Variants in DYM observed in about 807,000 individuals in gnomAD.
The protein encoded by DYM is dyggve-Melchior-Clausen syndrome protein.
Under a neutral mutation model 93.1 loss-of-function variants are expected in DYM, and 78 were observed. That is an observed-to-expected ratio of 0.84 (90% confidence interval 0.70 to 1.01). The LOEUF (loss-of-function observed/expected upper bound fraction) is 1.01, where lower values mean the gene tolerates loss of function less well. Among genes scored for constraint, DYM ranks in the 50% least tolerant of loss-of-function variants. DYM has a pLI of 0.00. For synonymous variants in DYM, 321 were observed against 319.7 expected (o/e 1.00, Z -0.04); for missense variants, 789 against 845.0 (o/e 0.93, Z 0.82).
At chr18:49,195,916 CTTTTTTTTT>C (rs540189318) in intron 14 of DYM, among the ~76,000 whole-genome samples, 1 of 84,024 alleles carries the variant, frequency 1.2e-5, no homozygotes, top group Non-Finnish European at 2.0e-5. Flanking sequence ...ATGCTACCAT[CTTTTTTTTT>C]TTTTTTTTTT....
chr18:49,398,039 GACTT>G (rs1207274272), intron 2 of DYM, among the ~76,000 whole-genome samples: 2 of 152,016 alleles, frequency 1.3e-5, no homozygotes, highest in African/African-American at 4.8e-5. Context: ...ACAAAGCTAA[GACTT>G]ACTAACTATA....
chr18:49,096,214 G>T (rs1052933612), intron 17 of DYM, among the ~76,000 whole-genome samples: 1 of 152,286 alleles, frequency 6.6e-6, no homozygotes, highest in Non-Finnish European at 1.5e-5. Context: ...CCACATGGTG[G>T]TGCCACTTTG....
chr18:49,110,589 T>G (rs935391723), intron 16 of DYM, among the ~76,000 whole-genome samples: 1 of 152,192 alleles, frequency 6.6e-6, no homozygotes, highest in East Asian at 1.9e-4. Context: ...TTTGTTCCTC[T>G]GTATATAATG....
intron 14 of DYM, among the ~76,000 whole-genome samples, chr18:49,204,803 A>C (rs1442886727): frequency 3.9e-5 from 6 of 152,220 alleles, no homozygotes; most frequent in Admixed American, 2.0e-4. Context: ...CAAAATTCTA[A>C]ATTTGATTTC....
rs2070733354 is a variant in DYM, at chr18:49,037,114, C to A, written c.*6941G>T. ...ACGGGGTTTCATCATGTTGGCCAGG[C>A]TGGTCTTGAACTCCTGACCTCAGGT... On this transcript the variant is annotated 3_prime_UTR_variant, in exon 18 of 18. Transcript: ENST00000675505. 6.6e-6 allele frequency among the ~76,000 whole-genome samples: 1 copy of A among 152,112 alleles called. No homozygotes were observed. The highest frequency in any genetic ancestry group is 2.1e-4 in the South Asian group (1 of 4,816).
chr18:49,108,892 T>C (rs1444629557), intron 16 of DYM, among the ~76,000 whole-genome samples: 1 of 152,242 alleles, frequency 6.6e-6, no homozygotes, highest in Non-Finnish European at 1.5e-5. Context: ...CGAAGCTCTG[T>C]TGTATACACA....
At chr18:49,280,594 A>G (rs2094945823) in intron 10 of DYM, among the ~76,000 whole-genome samples, 1 of 152,204 alleles carries the variant, frequency 6.6e-6, no homozygotes. Context: ...CTATAAGGAC[A>G]GGGAGGGATG....
At chr18:49,233,744 C>T (rs2093777946) in intron 13 of DYM, among the ~76,000 whole-genome samples, 1 of 152,182 alleles carries the variant, frequency 6.6e-6, no homozygotes, top group South Asian at 2.1e-4. Context: ...CTATATTTCT[C>T]AGCTTCCACT....
intron 13 of DYM, among the ~76,000 whole-genome samples, chr18:49,226,159 A>G (rs1457403555): frequency 6.6e-6 from 1 of 152,160 alleles, no homozygotes; most frequent in African/African-American, 2.4e-5. Flanking sequence ...TGTAAACAGT[A>G]AGTCATATGC....
chr18:49,193,672 T>A (rs541862854), intron 14 of DYM, among the ~76,000 whole-genome samples: 49 of 152,324 alleles, frequency 3.2e-4, no homozygotes, highest in Admixed American at 5.9e-4. Context: ...GATACATTTA[T>A]CTCACTTTAT....
chr18:49,410,284 C>T (rs1337231525), intron 2 of DYM, among the ~76,000 whole-genome samples: 1 of 151,962 alleles, frequency 6.6e-6, no homozygotes, highest in Non-Finnish European at 1.5e-5. Flanking sequence ...TAGTCTAGAA[C>T]TCCTGGCCTC....
rs987526657 is a variant in DYM at position 49,043,937 on chromosome 18, A to G, written c.*118T>C. The stretch of plus-strand genomic sequence containing the variant: ...GTGTGTGAGGAAAACACACTCGTGC[A>G]ATCCTCTTTAACAGAAGATACACCA... On this transcript the variant is annotated 3_prime_UTR_variant, in exon 18 of 18. Coordinates refer to ENST00000675505, the MANE Select transcript of DYM (RefSeq NM_001353214.3). 2 of 1,230,650 alleles carry G rather than the reference A, an allele frequency of 1.6e-6. No individual in the cohort carries two copies. The highest frequency in any genetic ancestry group is 2.3e-6 in the Non-Finnish European group (2 of 864,088). The allele number at this position is 1,230,650 out of a possible 1,614,324, so 76.2% of individuals were successfully genotyped here.
At chr18:49,285,728 G>A (rs1480428447) in intron 9 of DYM, among the ~76,000 whole-genome samples, 1 of 152,232 alleles carries the variant, frequency 6.6e-6, no homozygotes, top group African/African-American at 2.4e-5. Context: ...CCCTGCTGTT[G>A]AGCAGCACTT....
intron 17 of DYM, among the ~76,000 whole-genome samples, chr18:49,062,582 G>C (rs928376270): frequency 1.3e-5 from 2 of 152,174 alleles, no homozygotes; most frequent in African/African-American, 4.8e-5. Context: ...CAGGTGCTTT[G>C]CACCAACGGC....
chr18:49,389,910 T>C (rs2069031568), intron 3 of DYM, among the ~76,000 whole-genome samples: 1 of 152,188 alleles, frequency 6.6e-6, no homozygotes, highest in South Asian at 2.1e-4. Flanking sequence ...TTTAATTTTA[T>C]AATTTTTTTA....
chr18:49,222,607 C>G (rs898621058), intron 13 of DYM, among the ~76,000 whole-genome samples: 1 of 151,952 alleles, frequency 6.6e-6, no homozygotes, highest in Non-Finnish European at 1.5e-5. Flanking sequence ...CAAAAACATA[C>G]AATCTATATG....
At chr18:49,113,222 A>G (rs1464126099) in intron 16 of DYM, among the ~76,000 whole-genome samples, 4 of 152,230 alleles carry the variant, frequency 2.6e-5, no homozygotes, top group Non-Finnish European at 5.9e-5. Flanking sequence ...ATGTCCAGAG[A>G]TAACAAGATT....
chr18:49,211,600 C>T (rs533546525), intron 13 of DYM, among the ~76,000 whole-genome samples: 3 of 152,276 alleles, frequency 2.0e-5, no homozygotes, highest in South Asian at 2.1e-4. Context: ...ATCCATTCAT[C>T]CATTCAACCA....
chr18:49,130,472 G>A (rs2083282469), intron 15 of DYM, among the ~76,000 whole-genome samples: 2 of 152,164 alleles, frequency 1.3e-5, no homozygotes, highest in Non-Finnish European at 2.9e-5. Context: ...GAGTCCATAA[G>A]TCCATATTTT....
Sources: allele counts gnomAD v4.1 joint callset (sites outside exome capture counted in the v4.1 genomes callset), GRCh38; gene constraint gnomAD v4.1.1; transcripts MANE v1.5; gene names NCBI Gene and HGNC (gene_info 2026-07-23, HGNC 2026-07-21).